Variants in MEGF6 observed in about 807,000 individuals in gnomAD.
MEGF6 encodes the protein multiple epidermal growth factor-like domains protein 6.
MEGF6 carries 184 observed loss-of-function variants against 207.1 expected under a neutral mutation model. The observed-to-expected ratio is 0.89, with a 90% CI of 0.79 to 1.00. The LOEUF is 1.00. Ranked by LOEUF, MEGF6 falls within the 50% of genes least tolerant of loss-of-function variation. The probability of loss-of-function intolerance (pLI) is 0.00; values close to 1 mark genes in which losing one functional copy is unlikely to be tolerated. For missense variants in MEGF6, 2,282 were observed against 2,202.9 expected, an observed-to-expected ratio of 1.04 and a Z score of -0.72; for synonymous variants, 1,038 against 910.0, an observed-to-expected ratio of 1.14 and a Z score of -2.53.
At chr1:3,506,967 G>A (rs1364622073) in intron 14 of MEGF6, among the ~76,000 whole-genome samples, 6 of 152,240 alleles carry the variant, frequency 3.9e-5, no homozygotes, top group Non-Finnish European at 7.3e-5. Flanking sequence ...CAGCCTGGAG[G>A]GTACAGCACG....
chr1:3,496,575 G>C lies in MEGF6; in HGVS notation c.3742+80C>G, dbSNP rs1444880358. On this transcript the variant is annotated intron_variant, in intron 29 of 36. Coordinates refer to ENST00000356575, the MANE Select transcript of MEGF6 (RefSeq NM_001409.4). ...AGGGCAGGGAGGTGGGCAGTCGGGG[G>C]CCATCCTCCTGCAGGCTGGCTGGCC... 14 of 1,535,446 alleles carry C rather than the reference G, an allele frequency of 9.1e-6. No individual in the cohort carries two copies. In the East Asian group the frequency reaches 3.4e-4, roughly 38 times the overall value.
At chr1:3,578,289 A>G (rs1441164406) in intron 4 of MEGF6, among the ~76,000 whole-genome samples, 1 of 152,222 alleles carries the variant, frequency 6.6e-6, no homozygotes, top group African/African-American at 2.4e-5. Flanking sequence ...CAAGCGGCGC[A>G]CATTGCCAAA....
chr1:3,553,250 G>A (rs1187710274), intron 4 of MEGF6, among the ~76,000 whole-genome samples: 1 of 151,230 alleles, frequency 6.6e-6, no homozygotes, highest in African/African-American at 2.4e-5. Flanking sequence ...TTCCCACCAG[G>A]GGCCCAGCCT....
intron 4 of MEGF6, among the ~76,000 whole-genome samples, chr1:3,551,508 C>A (rs1642883323): frequency 6.6e-6 from 1 of 152,194 alleles, no homozygotes; most frequent in South Asian, 2.1e-4. Flanking sequence ...GCCAATACAA[C>A]CCCATAGCAG....
intron 10 of MEGF6, 124 bp from the exon 11 acceptor site, chr1:3,510,116 T>C: frequency 7.7e-7 from 1 of 1,297,018 alleles, no homozygotes; most frequent in Non-Finnish European, 1.0e-6. Flanking sequence ...GAGTAGCATC[T>C]CTTCAACCAG....
At position 3,496,787 on chromosome 1, in the gene MEGF6, C is replaced by T. The variant is rs1283186412; in HGVS notation, c.3614-4G>A. 2 of 1,554,568 alleles carry T rather than the reference C, an allele frequency of 1.3e-6. No individual in the cohort carries two copies. Among genetic ancestry groups the T allele is most frequent in the East Asian group, 2.4e-5 (1 of 41,406 alleles). ...CCATACCGCCCGGGCGGACATCCTG[C>T]AGGGAGAGGGGCTAGCTGCAGGGGC... is the stretch of plus-strand genomic sequence containing the variant. On this transcript the variant is annotated splice_region_variant and splice_polypyrimidine_tract_variant and intron_variant, in intron 28 of 36. Coordinates refer to ENST00000356575, the MANE Select transcript of MEGF6 (RefSeq NM_001409.4).
intron 4 of MEGF6, among the ~76,000 whole-genome samples, chr1:3,552,428 G>A (rs59039040): frequency 0.041 from 6,249 of 152,344 alleles, 308 homozygotes; most frequent in African/African-American, 0.12. Flanking sequence ...CACGCGTGGC[G>A]GCTCACGCCC....
At chr1:3,597,703 G>A (rs753915590) in intron 2 of MEGF6, among the ~76,000 whole-genome samples, 7 of 152,166 alleles carry the variant, frequency 4.6e-5, no homozygotes, top group African/African-American at 7.2e-5. Flanking sequence ...CCAGACAGCC[G>A]GCAGCAGAAG....
the MEGF6 span, among the ~76,000 whole-genome samples, chr1:3,620,064 C>CT: frequency 6.6e-6 from 1 of 151,874 alleles, no homozygotes; most frequent in Non-Finnish European, 1.5e-5. Context: ...GCATTTTGTC[C>CT]CTGCCCTAGA....
At chr1:3,555,785 C>A (rs1239969113) in intron 4 of MEGF6, among the ~76,000 whole-genome samples, 1 of 152,222 alleles carries the variant, frequency 6.6e-6, no homozygotes, top group African/African-American at 2.4e-5. Context: ...GAAAGCCGGG[C>A]CAGCGGCGGC....
chr1:3,602,356 G>A (rs1644173531), intron 2 of MEGF6, 110 bp downstream of exon 2: 2 of 1,479,394 alleles, frequency 1.4e-6, no homozygotes, highest in African/African-American at 1.4e-5. Context: ...GGTTGCGTGT[G>A]GCCCTGAGAC....
intron 2 of MEGF6, among the ~76,000 whole-genome samples, chr1:3,601,566 G>A (rs12046758): frequency 0.013 from 2,038 of 152,250 alleles, 43 homozygotes; most frequent in East Asian, 0.071. Flanking sequence ...CCTGTGTGCT[G>A]AGATGCTCAG....
At chr1:3,576,425 A>C (rs1643644184) in intron 4 of MEGF6, among the ~76,000 whole-genome samples, 1 of 152,236 alleles carries the variant, frequency 6.6e-6, no homozygotes, top group Non-Finnish European at 1.5e-5. Context: ...TCCTTTGTTC[A>C]AATGAAATAA....
chr1:3,531,542 AG>A (rs1642172841), intron 4 of MEGF6: 3 of 859,030 alleles, frequency 3.5e-6, no homozygotes, highest in African/African-American at 8.8e-5. Flanking sequence ...CACCTCCCCC[AG>A]GGGGCCGCGC....
intron 4 of MEGF6, among the ~76,000 whole-genome samples, chr1:3,552,241 G>C (rs559891921): frequency 1.3e-5 from 2 of 152,334 alleles, no homozygotes; most frequent in African/African-American, 4.8e-5. Flanking sequence ...CCGCCCACCA[G>C]GGCCAGCCTC....
chr1:3,616,132 GCTCC>G, upstream of MEGF6, among the ~76,000 whole-genome samples: 6 of 152,110 alleles, frequency 3.9e-5, no homozygotes, highest in Non-Finnish European at 8.8e-5. Context: ...AAAGCAAACT[GCTCC>G]CCATGTCCGG....
chr1:3,509,714 C>T (rs914028520), intron 11 of MEGF6, among the ~76,000 whole-genome samples, 156 bp downstream of exon 11: 25 of 152,234 alleles, frequency 1.6e-4, no homozygotes, highest in Non-Finnish European at 3.5e-4. Context: ...CCCCAAGGGC[C>T]CAAGAGCCTC....
rs185503090 is a variant in MEGF6, at chr1:3,592,980, G to T, written c.376+2358C>A. Among the ~76,000 whole-genome samples the T allele has an allele frequency of 4.2e-3, 639 of 152,082 alleles. 5 individuals are homozygous for T. The highest frequency in any genetic ancestry group is 0.014 in the African/African-American group (595 of 41,486). ...TCAGCCCAGCCCGGGCTGCCCCGGG[G>T]AGGGTCTCAGCCAAGATGCCCTCCA... is the stretch of plus-strand genomic sequence containing the variant. On this transcript the variant is annotated intron_variant, in intron 3 of 36. Transcript: ENST00000356575.
In MEGF6 at chr1:3,581,323, A is replaced by G. The variant is rs112443718; in HGVS notation, c.377-1394T>C. Among the ~76,000 whole-genome samples the G allele has an allele frequency of 1.1e-4, 16 of 151,882 alleles. No homozygotes were observed. The South Asian group carries it at 1.5e-3, about 14-fold the overall frequency. On this transcript the variant is annotated intron_variant, in intron 3 of 36. Transcript: ENST00000356575. ...CCAGGCATGGCGGCATCCCCTCCCC[A>G]CCTGGGCCCTCACACACATCTGGCC...
Sources: allele counts gnomAD v4.1 joint callset (sites outside exome capture counted in the v4.1 genomes callset), GRCh38; gene constraint gnomAD v4.1.1; transcripts MANE v1.5; gene names NCBI Gene and HGNC (gene_info 2026-07-23, HGNC 2026-07-21).